The following FBXO16 variants were observed in gnomAD, a reference collection of about 807,000 sequenced individuals.
The protein encoded by FBXO16 is F-box protein 16.
In FBXO16, 31 loss-of-function variants were observed where a neutral mutation model predicts 41.0. The ratio of observed to expected loss-of-function variants is 0.76; its 90% CI spans 0.57 to 1.02. The LOEUF is 1.02. Among genes scored for constraint, FBXO16 ranks in the 50% least tolerant of loss-of-function variants. The probability of loss-of-function intolerance (pLI) is 0.00; values close to 1 mark genes in which losing one functional copy is unlikely to be tolerated. For synonymous variants in FBXO16, 133 were observed against 117.8 expected (o/e 1.13, Z -0.84); for missense variants, 361 against 346.2 (o/e 1.04, Z -0.34).
At chr8:28,466,568 G>T (rs1234769931) in intron 3 of FBXO16, among the ~76,000 whole-genome samples, 2 of 151,672 alleles carry the variant, frequency 1.3e-5, no homozygotes, top group African/African-American at 4.8e-5. Context: ...GAGGTGGGTG[G>T]ATCACGAAGT....
intron 4 of FBXO16, among the ~76,000 whole-genome samples, chr8:28,460,094 C>A (rs562891523): frequency 6.6e-6 from 1 of 151,266 alleles, no homozygotes; most frequent in South Asian, 2.1e-4. Flanking sequence ...TTCAAAGAAA[C>A]AAAGGAAGTC....
intron 2 of FBXO16, 109 bp from the exon 3 acceptor site, chr8:28,473,916 C>G (rs1803377272): frequency 3.6e-6 from 3 of 829,366 alleles, no homozygotes; most frequent in Admixed American, 2.7e-5. Context: ...ATTGTATCAA[C>G]TGAATATTAA....
intron 5 of FBXO16, chr8:28,456,015 T>A (rs1445915186): frequency 1.3e-5 from 2 of 152,220 alleles, no homozygotes; most frequent in African/African-American, 4.8e-5. Context: ...AAAATCATTT[T>A]AAAAATTTAA....
intron 3 of FBXO16, among the ~76,000 whole-genome samples, chr8:28,470,213 CATA>C (rs1803312938): frequency 6.6e-6 from 1 of 151,898 alleles, no homozygotes; most frequent in Non-Finnish European, 1.5e-5. Context: ...AAAATAAAGT[CATA>C]ATAATAATAA....
In FBXO16 at chr8:28,463,620, A is replaced by C. The variant is rs778090565; in HGVS notation, c.334T>G (p.Cys112Gly). ...CCCTTCCTTGCCTTTACCTGTGCAC[A>C]ACGACAAAGGCTCCGAGGGTCCAGG... ...SFLDPRSLCR[C>G]AQVCWHWKNL... The change falls in exon 4 of 9, where the codon TGT (cysteine) becomes GGT (glycine). Residue 112 changes from cysteine (C) to glycine (G), a missense_variant. Physicochemically the swap from Cys to Gly is radical, Grantham distance 159. Transcript: ENST00000380254. 6.2e-7 allele frequency: 1 copy of C among 1,613,990 alleles called. No individual in the cohort carries two copies. Among genetic ancestry groups the C allele is most frequent in the South Asian group, 1.1e-5 (1 of 91,032 alleles).
intron 2 of FBXO16, among the ~76,000 whole-genome samples, chr8:28,480,517 T>A (rs1169942646): frequency 6.6e-6 from 1 of 151,904 alleles, no homozygotes; most frequent in Non-Finnish European, 1.5e-5. Flanking sequence ...TTTTTTCTTT[T>A]CCTGAGACAG....
At chr8:28,460,631 G>A (rs1366144891) in intron 4 of FBXO16, among the ~76,000 whole-genome samples, 1 of 151,492 alleles carries the variant, frequency 6.6e-6, no homozygotes, top group Non-Finnish European at 1.5e-5. Flanking sequence ...CACCATATTG[G>A]CCAGGCTGTT....
At chr8:28,477,585 T>A (rs149643813) in intron 2 of FBXO16, among the ~76,000 whole-genome samples, 1 of 152,246 alleles carries the variant, frequency 6.6e-6, no homozygotes, top group African/African-American at 2.4e-5. Context: ...TGTGTATGTA[T>A]AATATACGAT....
chr8:28,483,250 C>A, intron 2 of FBXO16, 98 bp downstream of exon 2: 1 of 1,149,898 alleles, frequency 8.7e-7, no homozygotes, highest in Non-Finnish European at 1.2e-6. Flanking sequence ...ATTACACAAT[C>A]TTAAATAATC....
In FBXO16 at chr8:28,483,382, C is replaced by T. The variant is rs1344172267; in HGVS notation, c.65G>A (p.Trp22Ter). ...GPKMQTKMSTWTPLNHQLLND... is the reference protein window; with the variant it reads ...GPKMQTKMST ...CAATAGCTGATGGTTTAGGGGTGTC[C>T]AGGTGCTCATCTTTGTCTGCATTTT... Residue 22 changes from tryptophan (W) to a stop codon, truncating the protein, a stop_gained, in exon 2 of 9, where the codon TGG (tryptophan) becomes TAG (stop). Transcript: ENST00000380254. LOFTEE classifies it high-confidence loss of function. 6.2e-7 allele frequency: 1 copy of T among 1,613,892 alleles called. No individual in the cohort carries two copies. The highest frequency in any genetic ancestry group is 8.5e-7 in the Non-Finnish European group (1 of 1,180,000).
At chr8:28,446,605 C>T (rs973377708) in intron 7 of FBXO16, among the ~76,000 whole-genome samples, 1 of 151,856 alleles carries the variant, frequency 6.6e-6, no homozygotes, top group African/African-American at 2.4e-5. Flanking sequence ...GGCGCGGTGG[C>T]TCATGCTTGT....
chr8:28,465,258 A>G lies in FBXO16; in HGVS notation c.136-1440T>C, dbSNP rs567342599. The stretch of plus-strand genomic sequence containing the variant: ...ATGAATCAGGTAGCATCCCATCAAA[A>G]GAACAGATAAGAGCTCCTCAGAGCT... On this transcript the variant is annotated intron_variant, in intron 3 of 8. Coordinates refer to ENST00000380254, the MANE Select transcript of FBXO16 (RefSeq NM_172366.4). 9 of 193,834 alleles carry G rather than the reference A, an allele frequency of 4.6e-5. 1 individual carries two copies. In the South Asian group the frequency reaches 5.8e-4, roughly 13 times the overall value. 12.0% of individuals were successfully genotyped at this position (193,834 alleles called of 1,614,324 possible). A position where few individuals can be genotyped will look rare whatever the true frequency, so the allele number is the denominator to read the frequency against.
chr8:28,486,719 C>T (rs11136049), intron 1 of FBXO16, among the ~76,000 whole-genome samples: 24,163 of 151,744 alleles, frequency 0.16, 2,550 homozygotes, highest in Non-Finnish European at 0.21. Flanking sequence ...GTCCCAGCTA[C>T]TTGGGGTGGG....
intron 4 of FBXO16, 136 bp downstream of exon 4, chr8:28,463,476 A>G: frequency 2.5e-6 from 2 of 813,540 alleles, no homozygotes; most frequent in Non-Finnish European, 3.9e-6. Flanking sequence ...CTAAGTGTAC[A>G]TTTGTGTGTG....
At position 28,452,467 on chromosome 8, in the gene FBXO16, T is replaced by C. The variant is rs1440485384; in HGVS notation, c.517A>G (p.Lys173Glu). ...ACGTCAGCGATTACAAATCCATCCT[T>C]TGGGGGTGTCTAGAAGAAGAAAGTT... is the stretch of plus-strand genomic sequence containing the variant. Reference protein sequence around the residue: ...LHITKPKTPPKDGFVIADVQL... With the variant: ...LHITKPKTPPEDGFVIADVQL... Residue 173 changes from lysine to glutamate, a missense_variant, in exon 6 of 9, where the codon AAG becomes GAG. Transcript: ENST00000380254. The C allele has an allele frequency of 6.8e-6, 11 of 1,613,652 alleles. No individual in the cohort carries two copies. Among genetic ancestry groups the C allele is most frequent in the Admixed American group, 1.7e-5 (1 of 59,970 alleles).
Position 28,428,445 on chromosome 8 carries a change from G to T in FBXO16, c.*282C>A. The T allele has an allele frequency of 3.3e-6, 3 of 917,366 alleles. No individual in the cohort carries two copies. The highest frequency in any genetic ancestry group is 4.7e-6 in the Non-Finnish European group (3 of 636,810). The allele number at this position is 917,366 out of a possible 1,614,324, so 56.8% of individuals were successfully genotyped here. Reference sequence around the variant, plus strand: ...ATTCCTTTTTACTGAAATACCGTAGGACTCACTACCACAATAAGTACTTAA... The same window carrying T: ...ATTCCTTTTTACTGAAATACCGTAGTACTCACTACCACAATAAGTACTTAA... On this transcript the variant is annotated 3_prime_UTR_variant, in exon 9 of 9. Transcript: ENST00000380254.
chr8:28,435,779 A>G (rs1331738641), intron 7 of FBXO16, among the ~76,000 whole-genome samples: 1 of 152,178 alleles, frequency 6.6e-6, no homozygotes, highest in African/African-American at 2.4e-5. Flanking sequence ...CCAAATGGGA[A>G]GACAGATTCT....
At position 28,429,561 on chromosome 8, in the gene FBXO16, C is replaced by T. The variant is rs1027437406; in HGVS notation, c.844-158G>A. The T allele has an allele frequency of 7.8e-6, 6 of 770,724 alleles. No individual in the cohort carries two copies. The South Asian group carries it at 9.8e-5, about 13-fold the overall frequency. 47.7% of individuals were successfully genotyped at this position (770,724 alleles called of 1,614,324 possible). ...AGACCTAAGAGGATTGGGCTGAACA[C>T]AGATATCGTAGCCTCCCCCAAGCAC... On this transcript the variant is annotated intron_variant, in intron 7 of 8. Coordinates refer to ENST00000380254, the MANE Select transcript of FBXO16 (RefSeq NM_172366.4).
intron 1 of FBXO16, among the ~76,000 whole-genome samples, chr8:28,485,593 C>T (rs763995158): frequency 6.6e-5 from 10 of 152,188 alleles, no homozygotes; most frequent in Non-Finnish European, 1.3e-4. Flanking sequence ...ATAAAGCCCA[C>T]GTTTTAAACC....
Sources: gnomAD v4.1 joint callset for allele counts (sites outside exome capture counted in the v4.1 genomes callset) on GRCh38, gnomAD v4.1.1 for gene constraint, MANE v1.5 for transcripts, NCBI Gene and HGNC (gene_info 2026-07-23, HGNC 2026-07-21) for gene names.